ICA1: variants seen among roughly 807,000 people sequenced by gnomAD.
ICA1 encodes the protein 69 kDa islet cell autoantigen.
A neutral mutation model predicts 71.0 loss-of-function variants in ICA1; 40 were observed. That is an observed-to-expected ratio of 0.56 (90% CI 0.44 to 0.73). The LOEUF (loss-of-function observed/expected upper bound fraction) is 0.73, where lower values mean the gene tolerates loss of function less well. Among genes scored for constraint, ICA1 ranks in the 30% least tolerant of loss-of-function variants. The pLI, the probability that ICA1 is intolerant of heterozygous loss-of-function variation, is 0.00. For missense variants in ICA1, 578 were observed against 576.5 expected (o/e 1.00, Z -0.03); for synonymous variants, 207 against 209.5 (o/e 0.99, Z 0.10).
chr7:8,118,359 G>C (rs757234691), intron 13 of ICA1, among the ~76,000 whole-genome samples: 7 of 152,200 alleles, frequency 4.6e-5, no homozygotes, highest in Non-Finnish European at 1.0e-4. Context: ...ACAATCAAAA[G>C]TACTAGGCTT....
intron 12 of ICA1, among the ~76,000 whole-genome samples, chr7:8,131,772 G>A (rs969004733): frequency 6.6e-6 from 1 of 152,188 alleles, no homozygotes; most frequent in Non-Finnish European, 1.5e-5. Flanking sequence ...TTGAGAAATA[G>A]CTCTATAGTC....
chr7:8,190,883 G>A (rs1234210893), intron 6 of ICA1, among the ~76,000 whole-genome samples: 1 of 152,162 alleles, frequency 6.6e-6, no homozygotes, highest in African/African-American at 2.4e-5. Flanking sequence ...GCTTCCATGA[G>A]CCTTGCTTTG....
intron 6 of ICA1, among the ~76,000 whole-genome samples, chr7:8,217,381 T>G (rs866193159): frequency 1.3e-5 from 2 of 152,184 alleles, no homozygotes; most frequent in South Asian, 2.1e-4. Flanking sequence ...TCCCTCCACC[T>G]CTACACAGCT....
At chr7:8,190,576 GTT>G (rs998800273) in intron 6 of ICA1, among the ~76,000 whole-genome samples, 3 of 152,108 alleles carry the variant, frequency 2.0e-5, no homozygotes, top group African/African-American at 7.2e-5. Context: ...CACAGAAATG[GTT>G]TAGTACCAAT....
intron 12 of ICA1, among the ~76,000 whole-genome samples, chr7:8,136,945 G>C (rs1240271076): frequency 6.6e-6 from 1 of 152,142 alleles, no homozygotes; most frequent in Non-Finnish European, 1.5e-5. Flanking sequence ...ATCTATCGCA[G>C]GCAGTGCCAT....
Position 8,225,878 on chromosome 7 carries a change from T to C in ICA1, c.256+2723A>G, listed in dbSNP as rs184439297. ...CAACTTCAATATTTGCATAATGTAG[T>C]TTCAGCATTGCTAACCCATATTCCT... On this transcript the variant is annotated intron_variant, in intron 4 of 13. Transcript: ENST00000402384. Among the ~76,000 whole-genome samples, 31 of 152,310 alleles carry C rather than the reference T, an allele frequency of 2.0e-4. No individual in the cohort carries two copies. The East Asian group carries it at 5.6e-3, about 27-fold the overall frequency.
chr7:8,197,449 A>G (rs1240822617), intron 6 of ICA1, among the ~76,000 whole-genome samples: 1 of 150,834 alleles, frequency 6.6e-6, no homozygotes, highest in Non-Finnish European at 1.5e-5. Flanking sequence ...GCTACTCGGG[A>G]GACTGGGGCA....
intron 1 of ICA1, among the ~76,000 whole-genome samples, chr7:8,247,478 G>GA (rs147836185): frequency 0.042 from 6,303 of 151,280 alleles, 153 homozygotes; most frequent in Admixed American, 0.062. Context: ...AAAGAAAAAA[G>GA]AAAAAAAACA....
intron 6 of ICA1, among the ~76,000 whole-genome samples, chr7:8,177,007 C>G (rs887543590): frequency 1.3e-5 from 2 of 152,164 alleles, no homozygotes; most frequent in Non-Finnish European, 2.9e-5. Flanking sequence ...TTATATTACC[C>G]AAAATGGAGT....
intron 8 of ICA1, among the ~76,000 whole-genome samples, chr7:8,148,866 A>C (rs1377762427): frequency 6.6e-6 from 1 of 152,196 alleles, no homozygotes; most frequent in Non-Finnish European, 1.5e-5. Flanking sequence ...AAAAAATCAT[A>C]ACCCCCTTTA....
chr7:8,190,231 C>G (rs933661624), intron 6 of ICA1, among the ~76,000 whole-genome samples: 4 of 148,252 alleles, frequency 2.7e-5, no homozygotes, highest in African/African-American at 9.9e-5. Context: ...TTTTTTTTTT[C>G]CGCAGTCAGA....
chr7:8,257,766 G>A (rs538270672), intron 1 of ICA1, among the ~76,000 whole-genome samples: 3 of 152,218 alleles, frequency 2.0e-5, no homozygotes, highest in South Asian at 2.1e-4. Flanking sequence ...ACCATGCAAC[G>A]AATATTTAGA....
rs758894466 is a variant in ICA1 at position 8,131,237 on chromosome 7, C to T, written c.1061-3095G>A. Among the ~76,000 whole-genome samples, 10 of 152,174 alleles carry T rather than the reference C, an allele frequency of 6.6e-5. 1 individual carries two copies. The highest frequency in any genetic ancestry group is 3.2e-3 in the Middle Eastern group (1 of 316). ...GAGAATCCTGACAACATTGTCTAAG[C>T]GCCTGGATCCAGCCTTGCTTGAAGC... On this transcript the variant is annotated intron_variant, in intron 12 of 13. Transcript: ENST00000402384.
intron 6 of ICA1, among the ~76,000 whole-genome samples, chr7:8,166,297 C>T (rs757306365): frequency 2.0e-5 from 3 of 152,060 alleles, no homozygotes; most frequent in Non-Finnish European, 4.4e-5. Flanking sequence ...AAAACAGACA[C>T]GTAGACCAGT....
At chr7:8,168,257 A>G (rs1806902078) in intron 6 of ICA1, among the ~76,000 whole-genome samples, 1 of 152,184 alleles carries the variant, frequency 6.6e-6, no homozygotes, top group African/African-American at 2.4e-5. Context: ...GTTTCATGAT[A>G]AAGGTTTCTT....
intron 6 of ICA1, among the ~76,000 whole-genome samples, chr7:8,189,734 T>A (rs1300027145): frequency 6.7e-6 from 1 of 149,774 alleles, no homozygotes; most frequent in East Asian, 1.9e-4. Context: ...GCAAGGGGGG[T>A]AGGCAGCGCT....
At chr7:8,158,366 A>T in intron 7 of ICA1, 161 bp downstream of exon 7, 1 of 779,658 alleles carries the variant, frequency 1.3e-6, no homozygotes, top group Non-Finnish European at 2.0e-6. Context: ...TGGTTTGGTT[A>T]AACGTAGGGC....
chr7:8,216,048 G>T (rs1233510841), intron 6 of ICA1, among the ~76,000 whole-genome samples: 1 of 152,232 alleles, frequency 6.6e-6, no homozygotes, highest in African/African-American at 2.4e-5. Context: ...AAAGAGGGCA[G>T]CAAGCCTCAC....
intron 13 of ICA1, among the ~76,000 whole-genome samples, chr7:8,127,470 G>A (rs2128062274): frequency 6.6e-6 from 1 of 152,288 alleles, no homozygotes; most frequent in East Asian, 1.9e-4. Context: ...TGTGCAAAAA[G>A]AGTGAAGAAG....
Sources: allele counts gnomAD v4.1 joint callset (sites outside exome capture counted in the v4.1 genomes callset), GRCh38; gene constraint gnomAD v4.1.1; transcripts MANE v1.5; gene names NCBI Gene and HGNC (gene_info 2026-07-23, HGNC 2026-07-21).